CES1: variants seen among roughly 807,000 people sequenced by gnomAD.
CES1 encodes the protein liver carboxylesterase 1.
In CES1, 50 loss-of-function variants were observed where a neutral mutation model predicts 53.0. The ratio of observed to expected loss-of-function variants is 0.94; its 90% CI spans 0.75 to 1.19. The LOEUF (loss-of-function observed/expected upper bound fraction) is 1.19. Ranked by LOEUF, CES1 falls within the 50% of genes most tolerant of loss-of-function variation. The probability of loss-of-function intolerance (pLI) is 0.00; values close to 1 mark genes in which losing one functional copy is unlikely to be tolerated. For synonymous variants in CES1, 202 were observed against 210.1 expected, an observed-to-expected ratio of 0.96 and a Z score of 0.33; for missense variants, 534 against 538.0, an observed-to-expected ratio of 0.99 and a Z score of 0.07.
intron 3 of CES1, among the ~76,000 whole-genome samples, chr16:55,824,293 T>A (rs1335128745): frequency 1.3e-5 from 2 of 152,414 alleles, no homozygotes; most frequent in East Asian, 1.9e-4. Context: ...GAACTTAGCA[T>A]GTGCCAGGGA....
intron 7 of CES1, among the ~76,000 whole-genome samples, chr16:55,817,543 G>A (rs1340547074): frequency 1.3e-5 from 2 of 152,202 alleles, no homozygotes; most frequent in African/African-American, 2.4e-5. Context: ...TGTTCACCAA[G>A]ATTGCAGTGA....
chr16:55,820,644 C>T (rs1203024508), intron 5 of CES1, among the ~76,000 whole-genome samples, 165 bp from the exon 6 acceptor site: 2 of 152,250 alleles, frequency 1.3e-5, no homozygotes, highest in South Asian at 2.1e-4. Flanking sequence ...AGTCTTCCTA[C>T]AGCTCCCAGC....
intron 2 of CES1, among the ~76,000 whole-genome samples, chr16:55,828,561 G>T (rs1440233129): frequency 1.3e-5 from 2 of 152,146 alleles, no homozygotes; most frequent in Non-Finnish European, 2.9e-5. Context: ...CAAGAACCCA[G>T]AACACGCCTG....
chr16:55,821,588 A>G, intron 4 of CES1, 67 bp from the exon 5 acceptor site: 2 of 1,571,558 alleles, frequency 1.3e-6, no homozygotes, highest in South Asian at 2.2e-5. Context: ...AGGACCACAG[A>G]TGGGGCTAGG....
intron 4 of CES1, 39 bp from the exon 5 acceptor site, chr16:55,821,560 A>C (rs751239465): frequency 6.2e-7 from 1 of 1,613,020 alleles, no homozygotes; most frequent in Non-Finnish European, 8.5e-7. Context: ...GGGAGCAGAG[A>C]TGTCATGCAG....
chr16:55,810,401 A>G, intron 11 of CES1, 116 bp downstream of exon 11: 2 of 1,356,812 alleles, frequency 1.5e-6, no homozygotes, highest in South Asian at 2.3e-5. Flanking sequence ...ATATGGAATC[A>G]GCCTTTGAGG....
intron 4 of CES1, among the ~76,000 whole-genome samples, chr16:55,823,051 A>G (rs1597083515): frequency 6.6e-6 from 1 of 151,644 alleles, no homozygotes; most frequent in East Asian, 1.9e-4. Context: ...GGGTCCCAAC[A>G]CTCCCACAGG....
chr16:55,813,928 C>A (rs1415582525), intron 8 of CES1, among the ~76,000 whole-genome samples: 1 of 152,206 alleles, frequency 6.6e-6, no homozygotes, highest in Admixed American at 6.5e-5. Flanking sequence ...GGAACATGCC[C>A]ATCATGCAAA....
intron 3 of CES1, among the ~76,000 whole-genome samples, chr16:55,825,625 T>A (rs1301125824): frequency 2.0e-5 from 3 of 152,246 alleles, no homozygotes; most frequent in African/African-American, 7.2e-5. Flanking sequence ...CAGATGAATG[T>A]TGCTGTGCTG....
intron 1 of CES1, among the ~76,000 whole-genome samples, chr16:55,830,799 A>AAGGAAGGAAGGAAGGAAGGG (rs1567509383): frequency 1.4e-5 from 2 of 145,884 alleles, no homozygotes; most frequent in African/African-American, 5.2e-5. Flanking sequence ...GGAAGGAAGG[A>AAGGAAGGAAGGAAGGAAGGG]AGGAAGGAAG....
rs114995843 is a variant in CES1 at position 55,812,572 on chromosome 16, G to A, written c.1086+331C>T. The A allele has an allele frequency of 1.9e-3, 760 of 405,054 alleles. 9 individuals carry two copies. The highest frequency in any genetic ancestry group is 0.014 in the African/African-American group (704 of 48,748). The allele number at this position is 405,054 out of a possible 1,614,324, so 25.1% of individuals were successfully genotyped here. ...CCAGGAAGCCCCCGACTGCTTCTCC[G>A]GACTCCTCCACTCCTTCCCCCTTCT... On this transcript the variant is annotated intron_variant, in intron 9 of 13. Transcript: ENST00000360526.
intron 4 of CES1, among the ~76,000 whole-genome samples, chr16:55,823,321 C>T (rs550266125): frequency 4.1e-4 from 63 of 152,232 alleles, no homozygotes; most frequent in Admixed American, 1.0e-3. Flanking sequence ...AGGTGTTCTT[C>T]GGATAGAATA....
intron 9 of CES1, chr16:55,812,529 C>A: frequency 2.9e-6 from 1 of 345,280 alleles, no homozygotes; most frequent in Non-Finnish European, 5.6e-6. Flanking sequence ...TTACGCACAC[C>A]CAGCCCGAGG....
At chr16:55,809,975 C>T (rs1597064504) in intron 11 of CES1, among the ~76,000 whole-genome samples, 1 of 152,224 alleles carries the variant, frequency 6.6e-6, no homozygotes, top group African/African-American at 2.4e-5. Context: ...ACTTCCACCT[C>T]CAGCATCTGC....
At chr16:55,819,706 TG>T in intron 6 of CES1, 67 bp from the exon 7 acceptor site, 1 of 1,346,656 alleles carries the variant, frequency 7.4e-7, no homozygotes, top group African/African-American at 1.5e-5. Flanking sequence ...AAGAGGAAAG[TG>T]GCATTCTATC....
At chr16:55,811,599 A>G (rs1321241220) in intron 9 of CES1, among the ~76,000 whole-genome samples, 2 of 152,214 alleles carry the variant, frequency 1.3e-5, no homozygotes, top group African/African-American at 4.8e-5. Context: ...CTGTGTCCCT[A>G]GAATGACCCC....
rs202111709 is a variant in CES1, at chr16:55,826,275, G to A, written c.281C>T (p.Ala94Val). 6.8e-5 allele frequency: 110 copies of A among 1,613,946 alleles called. 2 individuals carry two copies. The highest frequency in any genetic ancestry group is 5.1e-4 in the African/African-American group (38 of 75,020). ...AAATAGCTCTGAGAGTAACTGCCCC[G>A]CCTTGGGATCTTGGGTGCACCTGGG... ...YPPMCTQDPK[A>V]GQLLSELFTN... Residue 94 changes from alanine to valine, a missense_variant, in exon 3 of 14, where the codon GCG becomes GTG. Ala to Val is a moderately conservative substitution (Grantham distance 64). Transcript: ENST00000360526.
At chr16:55,820,091 C>A in intron 6 of CES1, 1 of 599,328 alleles carries the variant, frequency 1.7e-6, no homozygotes, top group Non-Finnish European at 3.0e-6. Flanking sequence ...AGATAGGGCA[C>A]TGTACTGGCT....
rs1339895857 is a variant in CES1 at position 55,830,469 on chromosome 16, G to GA, written c.53-1496dup. On this transcript the variant is annotated intron_variant, in intron 1 of 13. Coordinates refer to ENST00000360526, the MANE Select transcript of CES1 (RefSeq NM_001025195.2). Reference sequence around the variant, plus strand: ...TATTTTAAAATTTTAAATAAAAAAAGAAAAAATATGTAGAAATATGATGAT... The same window carrying GA: ...TATTTTAAAATTTTAAATAAAAAAAGAAAAAAATATGTAGAAATATGATGAT... Among the ~76,000 whole-genome samples, 5 of 151,946 alleles carry GA rather than the reference G, an allele frequency of 3.3e-5. No homozygotes were observed. The South Asian group carries it at 8.3e-4, about 25-fold the overall frequency.
Sources: gnomAD v4.1 joint callset for allele counts (sites outside exome capture counted in the v4.1 genomes callset) on GRCh38, gnomAD v4.1.1 for gene constraint, MANE v1.5 for transcripts, NCBI Gene and HGNC (gene_info 2026-07-23, HGNC 2026-07-21) for gene names.